ACP7: variants seen among roughly 807,000 people sequenced by gnomAD.
The protein encoded by ACP7 is acid phosphatase 7, tartrate resistant (putative), also known as acid phosphatase type 7.
In ACP7, 58 loss-of-function variants were observed where a neutral mutation model predicts 60.6. The observed-to-expected ratio is 0.96, with a 90% CI of 0.77 to 1.19. The LOEUF (loss-of-function observed/expected upper bound fraction) is 1.19. Ranked by LOEUF, ACP7 falls within the 50% of genes most tolerant of loss-of-function variation. The pLI, the probability that ACP7 is intolerant of heterozygous loss-of-function variation, is 0.00. For synonymous variants in ACP7, 237 were observed against 232.6 expected (o/e 1.02, Z -0.17); for missense variants, 574 against 596.2 (o/e 0.96, Z 0.39).
At chr19:39,084,365 G>C (rs2073115914), upstream of ACP7, 1 of 152,456 alleles carries the variant, frequency 6.6e-6, no homozygotes, top group Non-Finnish European at 1.5e-5. Context: ...CGCTGGTGGC[G>C]GGAGAGGCGC....
chr19:39,101,269 C>A lies in ACP7; in HGVS notation c.974-19C>A. On this transcript the variant is annotated intron_variant, in intron 9 of 12. Transcript: ENST00000331256. ...CTCTCCCCAATTCAGAGGTCTGATCCCCGCTTGCTCTATCTCAGGAGTGGA... is the reference window on the plus strand; with the variant it reads ...CTCTCCCCAATTCAGAGGTCTGATCACCGCTTGCTCTATCTCAGGAGTGGA... 6.2e-7 allele frequency: 1 copy of A among 1,614,224 alleles called. No homozygotes were observed. Among genetic ancestry groups the A allele is most frequent in the African/African-American group, 1.3e-5 (1 of 75,064 alleles).
Position 39,098,497 on chromosome 19 carries a change from T to A in ACP7, c.161T>A (p.Val54Asp). The A allele has an allele frequency of 6.2e-7, 1 of 1,603,864 alleles. No homozygotes were observed. The highest frequency in any genetic ancestry group is 8.5e-7 in the Non-Finnish European group (1 of 1,175,996). Reference sequence around the variant, plus strand: ...ATGACTGTAACTTGGACCACATGGGTCCCAACCCGCTCTGAAGTGCAATTC... The same window carrying A: ...ATGACTGTAACTTGGACCACATGGGACCCAACCCGCTCTGAAGTGCAATTC... ...GSMTVTWTTW[V>D]PTRSEVQFGL... Residue 54 changes from valine (V) to aspartate (D), a missense_variant, in exon 3 of 13, where the codon GTC becomes GAC. By Grantham distance (152) the Val-to-Asp change is radical. Transcript: ENST00000331256.
chr19:39,096,014 T>A (rs1419959803), intron 2 of ACP7, among the ~76,000 whole-genome samples: 2 of 152,126 alleles, frequency 1.3e-5, no homozygotes, highest in Non-Finnish European at 2.9e-5. Flanking sequence ...CATGAAACCA[T>A]TTTTTCCTCC....
At chr19:39,086,570 C>T (rs1215551283) in intron 2 of ACP7, among the ~76,000 whole-genome samples, 1 of 136,148 alleles carries the variant, frequency 7.3e-6, no homozygotes, top group Non-Finnish European at 1.5e-5. Flanking sequence ...GCAAAGGTTG[C>T]AATGAGCCAA....
intron 12 of ACP7, 125 bp from the exon 13 acceptor site, chr19:39,109,928 C>A: frequency 1.1e-6 from 1 of 877,868 alleles, no homozygotes; most frequent in Non-Finnish European, 1.8e-6. Context: ...CCCAGAGAGG[C>A]CTAGCCACTT....
chr19:39,109,837 C>A (rs927534990), intron 12 of ACP7, among the ~76,000 whole-genome samples: 1 of 152,094 alleles, frequency 6.6e-6, no homozygotes, highest in Non-Finnish European at 1.5e-5. Context: ...TTTACAAATA[C>A]TATCTCATTT....
chr19:39,085,168 C>T lies in ACP7; in HGVS notation c.-102C>T, dbSNP rs891787705. Reference sequence around the variant, plus strand: ...GTCCCCCAGAGCACTGCCTGATCATCCTCTGTTCCCCATCCTCCCAGCCCT... The same window carrying T: ...GTCCCCCAGAGCACTGCCTGATCATTCTCTGTTCCCCATCCTCCCAGCCCT... On this transcript the variant is annotated 5_prime_UTR_variant, in exon 2 of 13. Transcript: ENST00000331256. The T allele has an allele frequency of 9.0e-5, 128 of 1,429,180 alleles. No homozygotes were observed. The highest frequency in any genetic ancestry group is 2.3e-5 in the Non-Finnish European group (24 of 1,061,256). The allele number at this position is 1,429,180 out of a possible 1,614,324, so 88.5% of individuals were successfully genotyped here. A position where few individuals can be genotyped will look rare whatever the true frequency, so the allele number is the denominator to read the frequency against.
chr19:39,102,116 T>TCA (rs1491334043), intron 11 of ACP7, among the ~76,000 whole-genome samples: 1 of 68,204 alleles, frequency 1.5e-5, no homozygotes, highest in East Asian at 4.6e-4. Flanking sequence ...TGAGACCCTT[T>TCA]CTCTCACACA....
chr19:39,104,021 C>T (rs1313920123), intron 11 of ACP7, among the ~76,000 whole-genome samples: 1 of 150,508 alleles, frequency 6.6e-6, no homozygotes, highest in African/African-American at 2.4e-5. Flanking sequence ...GGGTGGATCG[C>T]TTGAGTCTAG....
intron 12 of ACP7, among the ~76,000 whole-genome samples, chr19:39,108,635 G>A (rs2073437102): frequency 6.6e-6 from 1 of 152,074 alleles, no homozygotes; most frequent in African/African-American, 2.4e-5. Flanking sequence ...TGGGACACAG[G>A]TAGGGGAAAA....
Position 39,109,434 on chromosome 19 carries a change from G to A in ACP7, c.1252-619G>A, listed in dbSNP as rs1019984573. Among the ~76,000 whole-genome samples, 3 of 152,076 alleles carry A rather than the reference G, an allele frequency of 2.0e-5. No homozygotes were observed. In the South Asian group the frequency reaches 6.2e-4, roughly 32 times the overall value. On this transcript the variant is annotated intron_variant, in intron 12 of 12. Coordinates refer to ENST00000331256, the MANE Select transcript of ACP7 (RefSeq NM_001004318.3). ...TTAAGGCCACCTAGAGGGTGGATGC[G>A]CTGGCCAGGTGCAGCAGCTCATGCC...
At chr19:39,098,873 TC>T in intron 3 of ACP7, 86 bp from the exon 4 acceptor site, 3 of 1,402,608 alleles carry the variant, frequency 2.1e-6, no homozygotes, top group Non-Finnish European at 2.9e-6. Flanking sequence ...CCCCATCTCC[TC>T]CCCTCCACCA....
intron 3 of ACP7, 79 bp from the exon 4 acceptor site, chr19:39,098,881 A>G: frequency 1.0e-6 from 1 of 1,003,608 alleles, no homozygotes; most frequent in Middle Eastern, 2.8e-4. Flanking sequence ...CCTCCCCTCC[A>G]CCAGTCGGGG....
intron 2 of ACP7, among the ~76,000 whole-genome samples, chr19:39,091,037 C>G (rs761487128): frequency 2.6e-5 from 4 of 152,068 alleles, no homozygotes; most frequent in Non-Finnish European, 5.9e-5. Context: ...TTACAACAAG[C>G]CTCCATCATT....
chr19:39,100,802 T>C lies in ACP7; in HGVS notation c.756T>C (p.Tyr252=), dbSNP rs1568481107. 2.5e-6 allele frequency: 4 copies of C among 1,613,998 alleles called. No homozygotes were observed. Among genetic ancestry groups the C allele is most frequent in the Admixed American group, 3.3e-5 (2 of 60,014 alleles). Residue 252 remains tyrosine (Y), a synonymous_variant, in exon 7 of 13, where the codon TAT becomes TAC. Coordinates refer to ENST00000331256, the MANE Select transcript of ACP7 (RefSeq NM_001004318.3). ...FSTEVYFFLH[Y]GRHLVQRQFR... is the part of the protein sequence containing the mutation. ...CCGAGGTCTATTTCTTTCTCCATTA[T>C]GGCCGCCACTTGGTACAGAGGCAGT...
intron 11 of ACP7, among the ~76,000 whole-genome samples, chr19:39,103,704 T>G (rs2073382955): frequency 1.3e-5 from 2 of 151,940 alleles, no homozygotes; most frequent in South Asian, 4.2e-4. Context: ...GGTGCACACC[T>G]GTAGTCCCAG....
intron 12 of ACP7, among the ~76,000 whole-genome samples, chr19:39,108,581 T>C (rs1356762363): frequency 2.6e-5 from 4 of 151,934 alleles, no homozygotes; most frequent in African/African-American, 9.7e-5. Flanking sequence ...GTAAATTCTG[T>C]AGGTATTTAC....
intron 6 of ACP7, 27 bp from the exon 7 acceptor site, chr19:39,100,712 C>T (rs1387958490): frequency 6.2e-7 from 1 of 1,612,948 alleles, no homozygotes; most frequent in Admixed American, 1.7e-5. Flanking sequence ...GCCCTGGTCC[C>T]TGACCCCTGC....
intron 4 of ACP7, among the ~76,000 whole-genome samples, 176 bp from the exon 5 acceptor site, chr19:39,100,051 G>A (rs1226047010): frequency 1.3e-5 from 2 of 149,374 alleles, no homozygotes; most frequent in South Asian, 4.3e-4. Flanking sequence ...GCTCACACCT[G>A]TAATTCCAGC....
Sources: allele counts gnomAD v4.1 joint callset (sites outside exome capture counted in the v4.1 genomes callset), GRCh38; gene constraint gnomAD v4.1.1; transcripts MANE v1.5; gene names NCBI Gene and HGNC (gene_info 2026-07-23, HGNC 2026-07-21).